NALF1: variants seen among roughly 807,000 people sequenced by gnomAD.
The protein encoded by NALF1 is NALCN channel auxiliary factor 1, also known as family with sequence similarity 155 member A.
In NALF1, 3 loss-of-function variants were observed where a neutral mutation model predicts 48.4. That is an observed-to-expected ratio of 0.06 (90% CI 0.03 to 0.16). The LOEUF is 0.16. Ranked by LOEUF, NALF1 falls within the 10% of genes least tolerant of loss-of-function variation. The pLI is 1.00. For synonymous variants in NALF1, 262 were observed against 245.7 expected, an observed-to-expected ratio of 1.07 and a Z score of -0.62; for missense variants, 526 against 571.5, an observed-to-expected ratio of 0.92 and a Z score of 0.81.
At chr13:107,385,748 TA>T (rs1446851179) in intron 1 of NALF1, among the ~76,000 whole-genome samples, 1 of 152,186 alleles carries the variant, frequency 6.6e-6, no homozygotes. Flanking sequence ...GCCAATTCTT[TA>T]AAAATAGTAT....
At chr13:107,741,426 C>T (rs1876629661) in intron 1 of NALF1, among the ~76,000 whole-genome samples, 1 of 152,142 alleles carries the variant, frequency 6.6e-6, no homozygotes, top group Non-Finnish European at 1.5e-5. Flanking sequence ...TAAATGCTTT[C>T]ATTATTAATA....
At chr13:107,442,825 G>A (rs901029211) in intron 1 of NALF1, among the ~76,000 whole-genome samples, 4 of 152,050 alleles carry the variant, frequency 2.6e-5, no homozygotes, top group African/African-American at 7.2e-5. Flanking sequence ...ATGGCAAATC[G>A]GCATTGATAT....
intron 1 of NALF1, among the ~76,000 whole-genome samples, chr13:107,422,259 C>G (rs891117643): frequency 2.0e-5 from 3 of 152,108 alleles, no homozygotes; most frequent in African/African-American, 7.2e-5. Context: ...AAGATTGATA[C>G]AAAAATATGC....
chr13:107,238,307 G>A (rs928492322), intron 1 of NALF1, among the ~76,000 whole-genome samples: 6 of 152,164 alleles, frequency 3.9e-5, no homozygotes, highest in African/African-American at 1.4e-4. Context: ...CAGAATTAGA[G>A]GAAGGGCACT....
chr13:107,387,544 C>T (rs187826357), intron 1 of NALF1, among the ~76,000 whole-genome samples: 10 of 152,240 alleles, frequency 6.6e-5, no homozygotes, highest in Admixed American at 6.5e-4. Context: ...TGGGATGGTA[C>T]AGAGTATCTG....
intron 1 of NALF1, among the ~76,000 whole-genome samples, chr13:107,680,753 A>T (rs1402753220): frequency 7.8e-6 from 1 of 128,374 alleles, no homozygotes; most frequent in South Asian, 2.6e-4. Context: ...GCATGAGTGT[A>T]AGAGTATGTG....
At chr13:107,804,813 T>C (rs769066648) in intron 1 of NALF1, among the ~76,000 whole-genome samples, 2 of 152,190 alleles carry the variant, frequency 1.3e-5, no homozygotes, top group Non-Finnish European at 2.9e-5. Context: ...AATTTGTTCA[T>C]TTGTCTATAA....
intron 1 of NALF1, among the ~76,000 whole-genome samples, chr13:107,280,017 C>T (rs1290394867): frequency 2.0e-5 from 3 of 152,146 alleles, no homozygotes; most frequent in East Asian, 1.9e-4. Flanking sequence ...GTCTTGAACT[C>T]GTGAGCTCAA....
intron 1 of NALF1, among the ~76,000 whole-genome samples, chr13:107,242,669 G>A (rs1408577280): frequency 6.6e-6 from 1 of 151,986 alleles, no homozygotes; most frequent in Non-Finnish European, 1.5e-5. Flanking sequence ...ATGCCTTTTT[G>A]TTTACCTAAA....
At chr13:107,556,272 C>CATATATATATATATAT (rs56407804) in intron 1 of NALF1, among the ~76,000 whole-genome samples, 38 of 131,354 alleles carry the variant, frequency 2.9e-4, no homozygotes, top group African/African-American at 9.8e-4. Flanking sequence ...TCTCTCTCAA[C>CATATATATATATATAT]ATATATATAT....
chr13:107,358,808 A>G (rs11842928), intron 1 of NALF1, among the ~76,000 whole-genome samples: 4,539 of 152,026 alleles, frequency 0.03, 220 homozygotes, highest in African/African-American at 0.1. Context: ...AGTCCCATGT[A>G]TTTTTTCTAT....
At chr13:107,336,491 T>C (rs1248668191) in intron 1 of NALF1, among the ~76,000 whole-genome samples, 1 of 152,136 alleles carries the variant, frequency 6.6e-6, no homozygotes. Context: ...TATTTGTTGA[T>C]TGCTATCAAT....
At chr13:107,677,978 G>A (rs1047474032) in intron 1 of NALF1, among the ~76,000 whole-genome samples, 1 of 152,062 alleles carries the variant, frequency 6.6e-6, no homozygotes, top group Non-Finnish European at 1.5e-5. Context: ...TTTCTGCCAT[G>A]GTATATTTTG....
intron 1 of NALF1, among the ~76,000 whole-genome samples, chr13:107,616,414 G>T (rs558645550): frequency 2.0e-4 from 31 of 152,226 alleles, no homozygotes; most frequent in African/African-American, 7.0e-4. Flanking sequence ...CTAAGTGTTT[G>T]GGGTTTTCTT....
chr13:107,184,389 GTTTTGCTTTGTGTGTTTCAGTTTA>G (rs1460666313), intron 2 of NALF1, among the ~76,000 whole-genome samples: 3 of 152,084 alleles, frequency 2.0e-5, no homozygotes, highest in African/African-American at 4.8e-5. Context: ...TCCTCCTTCA[GTTTTGCTTTGTGTGTTTCAGTTTA>G]TTACATTCCC....
chr13:107,451,732 T>C (rs1268055659), intron 1 of NALF1, among the ~76,000 whole-genome samples: 1 of 152,222 alleles, frequency 6.6e-6, no homozygotes, highest in African/African-American at 2.4e-5. Flanking sequence ...AACTTCTTAA[T>C]ACATTGCACA....
At chr13:107,438,831 A>AAAAAAAAAAAAAAAAAAAAAAAAAAAAAG (rs1406954703) in intron 1 of NALF1, among the ~76,000 whole-genome samples, 1 of 143,122 alleles carries the variant, frequency 7.0e-6, no homozygotes, top group Non-Finnish European at 1.5e-5. Flanking sequence ...CCATCTCAAA[A>AAAAAAAAAAAAAAAAAAAAAAAAAAAAAG]AAAAAAAAAA....
At chr13:107,650,927 G>C (rs1399771053) in intron 1 of NALF1, among the ~76,000 whole-genome samples, 1 of 151,802 alleles carries the variant, frequency 6.6e-6, no homozygotes, top group Non-Finnish European at 1.5e-5. Context: ...TACTTGACGG[G>C]GGAGGGTGGG....
chr13:107,765,838 A>C (rs879711713), intron 1 of NALF1, among the ~76,000 whole-genome samples: 1 of 152,176 alleles, frequency 6.6e-6, no homozygotes, highest in Non-Finnish European at 1.5e-5. Context: ...GAAGGGAATA[A>C]AGTATTTAGA....
Sources: allele counts gnomAD v4.1 joint callset (sites outside exome capture counted in the v4.1 genomes callset), GRCh38; gene constraint gnomAD v4.1.1; transcripts MANE v1.5; gene names NCBI Gene and HGNC (gene_info 2026-07-23, HGNC 2026-07-21).